Variants in WASF3 observed in about 807,000 individuals in gnomAD.
The protein encoded by WASF3 is actin-binding protein WASF3.
WASF3 carries 11 observed loss-of-function variants against 46.6 expected under a neutral mutation model. The observed-to-expected ratio is 0.24, with a 90% CI of 0.15 to 0.39. The LOEUF is 0.39. WASF3 is among the 10% of genes least tolerant of loss of function. The probability of loss-of-function intolerance (pLI) is 1.00; values close to 1 mark genes in which losing one functional copy is unlikely to be tolerated. For missense variants in WASF3, 576 were observed against 669.8 expected (o/e 0.86, Z 1.55); for synonymous variants, 242 against 259.7 (o/e 0.93, Z 0.65).
At chr13:26,662,041 G>A (rs552302687) in intron 3 of WASF3, among the ~76,000 whole-genome samples, 2 of 152,332 alleles carry the variant, frequency 1.3e-5, no homozygotes, top group Admixed American at 6.5e-5. Flanking sequence ...GTGAGGAAGT[G>A]GGAGAGTGTG....
At chr13:26,606,394 T>C in intron 1 of WASF3, 1 of 149,656 alleles carries the variant, frequency 6.7e-6, no homozygotes, top group Non-Finnish European at 1.5e-5. Context: ...CTCACTCTGT[T>C]ACCTAGGCTG....
chr13:26,546,165 C>T, the WASF3 span, among the ~76,000 whole-genome samples: 1 of 152,114 alleles, frequency 6.6e-6, no homozygotes, highest in Non-Finnish European at 1.5e-5. Flanking sequence ...CACAAATATG[C>T]GATTTGGGTC....
chr13:26,557,293 G>T (rs919168544), upstream of WASF3, among the ~76,000 whole-genome samples: 1 of 152,192 alleles, frequency 6.6e-6, no homozygotes, highest in East Asian at 1.9e-4. Context: ...CACCTTACAG[G>T]TAGAGGACCT....
intron 6 of WASF3, among the ~76,000 whole-genome samples, chr13:26,674,402 C>A (rs758973789): frequency 4.6e-5 from 7 of 152,144 alleles, no homozygotes; most frequent in Non-Finnish European, 8.8e-5. Flanking sequence ...CTTCCTCCCC[C>A]ACTTTTTTCC....
At chr13:26,592,395 A>G (rs779125383) in intron 1 of WASF3, among the ~76,000 whole-genome samples, 11 of 152,308 alleles carry the variant, frequency 7.2e-5, no homozygotes, top group Middle Eastern at 3.4e-3. Context: ...CACAGACTGT[A>G]TAGCTTAAAC....
chr13:26,627,399 G>A (rs561804920), intron 2 of WASF3, among the ~76,000 whole-genome samples: 1 of 152,176 alleles, frequency 6.6e-6, no homozygotes, highest in East Asian at 1.9e-4. Context: ...GAGGTGGGGT[G>A]TACATTTATT....
chr13:26,587,750 A>G (rs1880174312), intron 1 of WASF3, among the ~76,000 whole-genome samples: 1 of 152,244 alleles, frequency 6.6e-6, no homozygotes, highest in Admixed American at 6.5e-5. Flanking sequence ...AGGGCACATC[A>G]GTCTGTAGCT....
chr13:26,582,424 C>G (rs1317254819), intron 1 of WASF3, among the ~76,000 whole-genome samples: 1 of 151,968 alleles, frequency 6.6e-6, no homozygotes, highest in African/African-American at 2.4e-5. Context: ...ACCTGTAATC[C>G]TAGCACTTTG....
the WASF3 span, among the ~76,000 whole-genome samples, chr13:26,548,748 C>A: frequency 4.6e-5 from 7 of 152,244 alleles, no homozygotes; most frequent in East Asian, 1.2e-3. Flanking sequence ...CTCCAGCATT[C>A]CCCCAACTCA....
intron 2 of WASF3, among the ~76,000 whole-genome samples, chr13:26,634,085 G>A (rs2137267532): frequency 6.6e-6 from 1 of 152,162 alleles, no homozygotes; most frequent in African/African-American, 2.4e-5. Context: ...TTGACAGTGG[G>A]GTGTTAAAGT....
chr13:26,657,550 C>A (rs996704518), intron 3 of WASF3, among the ~76,000 whole-genome samples: 3 of 152,176 alleles, frequency 2.0e-5, no homozygotes, highest in African/African-American at 7.2e-5. Flanking sequence ...ACAAATAAAG[C>A]TAACTTTAAT....
chr13:26,664,979 T>G lies in WASF3; in HGVS notation c.134-49T>G, dbSNP rs759311424. The G allele has an allele frequency of 3.1e-6, 5 of 1,602,342 alleles. No homozygotes were observed. The Admixed American group carries it at 8.3e-5, about 27-fold the overall frequency. On this transcript the variant is annotated intron_variant, in intron 3 of 9. Transcript: ENST00000335327. ...ACTGGTGAGGATGTGTGAGGGCCGC[T>G]TCATCAGCTCCCTAACAGATGGCCT...
the WASF3 span, among the ~76,000 whole-genome samples, chr13:26,543,132 G>A: frequency 1.5e-4 from 23 of 152,282 alleles, no homozygotes; most frequent in African/African-American, 5.1e-4. Flanking sequence ...AGGATGTTGG[G>A]GTGATGTGGA....
At chr13:26,591,915 G>A (rs1170539700) in intron 1 of WASF3, among the ~76,000 whole-genome samples, 1 of 152,056 alleles carries the variant, frequency 6.6e-6, no homozygotes, top group African/African-American at 2.4e-5. Flanking sequence ...CATCCCTGCC[G>A]GGCTCACTGT....
At chr13:26,647,803 A>G (rs1282362106) in intron 3 of WASF3, among the ~76,000 whole-genome samples, 1 of 152,084 alleles carries the variant, frequency 6.6e-6, no homozygotes, top group Non-Finnish European at 1.5e-5. Flanking sequence ...TACTATTAAG[A>G]TAATATAGAA....
chr13:26,561,562 C>T (rs529760320), intron 1 of WASF3, among the ~76,000 whole-genome samples: 10 of 152,230 alleles, frequency 6.6e-5, no homozygotes, highest in South Asian at 2.1e-4. Context: ...ATTAGAGAGA[C>T]GCATGTGAGA....
upstream of WASF3, among the ~76,000 whole-genome samples, chr13:26,554,096 C>CTTCTTTCT (rs57590764): frequency 0.055 from 405 of 7,366 alleles, 61 homozygotes; most frequent in Non-Finnish European, 0.076. Context: ...TCCTTCCTTC[C>CTTCTTTCT]TTCTTTCTTT....
chr13:26,678,800 G>GT (rs2137503314), intron 7 of WASF3, among the ~76,000 whole-genome samples: 1 of 152,288 alleles, frequency 6.6e-6, no homozygotes, highest in Admixed American at 6.5e-5. Context: ...AATTGTCCTT[G>GT]TTTTTTCTCA....
upstream of WASF3, among the ~76,000 whole-genome samples, chr13:26,552,956 G>A (rs1359976805): frequency 6.6e-6 from 1 of 152,172 alleles, no homozygotes; most frequent in Non-Finnish European, 1.5e-5. Context: ...CAAATTAAGA[G>A]GATGCCTAAG....
Sources: allele counts gnomAD v4.1 joint callset (sites outside exome capture counted in the v4.1 genomes callset), GRCh38; gene constraint gnomAD v4.1.1; transcripts MANE v1.5; gene names NCBI Gene and HGNC (gene_info 2026-07-23, HGNC 2026-07-21).